The following MDH1B variants were observed in gnomAD, a reference collection of about 807,000 sequenced individuals.
MDH1B encodes the protein malate dehydrogenase 1B, also known as putative malate dehydrogenase 1B.
MDH1B carries 60 observed loss-of-function variants against 61.4 expected under a neutral mutation model. That is an observed-to-expected ratio of 0.98 (90% CI 0.79 to 1.21). The LOEUF (loss-of-function observed/expected upper bound fraction) is 1.21, where lower values mean the gene tolerates loss of function less well. Among genes scored for constraint, MDH1B ranks in the 50% most tolerant of loss-of-function variants. The pLI is 0.00. For synonymous variants in MDH1B, 236 were observed against 218.7 expected, an observed-to-expected ratio of 1.08 and a Z score of -0.70; for missense variants, 587 against 632.1, an observed-to-expected ratio of 0.93 and a Z score of 0.76.
chr2:206,757,919 C>G (rs766258774), intron 2 of MDH1B, among the ~76,000 whole-genome samples: 9 of 152,136 alleles, frequency 5.9e-5, no homozygotes, highest in Non-Finnish European at 8.8e-5. Context: ...ATGACAAGAT[C>G]TGAGTACAGT....
At chr2:206,743,441 T>C (rs1687927645) in intron 9 of MDH1B, among the ~76,000 whole-genome samples, 1 of 152,204 alleles carries the variant, frequency 6.6e-6, no homozygotes, top group African/African-American at 2.4e-5. Flanking sequence ...GCTCCTGTTC[T>C]ACTTAACCAT....
rs745897152 is a variant in MDH1B at position 206,750,960 on chromosome 2, G to A, written c.1026C>T (p.Arg342=). Residue 342 remains arginine, a synonymous_variant, in exon 6 of 12, where the codon CGC becomes CGT. Transcript: ENST00000374412. ...SAIWGPLHYS[R]PVLNLIFDSE... ...TGTCAAAAATCAAGTTTAAAACAGG[G>A]CGTGAATAATGAAGAGGTCCCCAAA... 1.2e-6 allele frequency: 2 copies of A among 1,609,774 alleles called. No homozygotes were observed. The highest frequency in any genetic ancestry group is 1.7e-6 in the Non-Finnish European group (2 of 1,177,816).
intron 5 of MDH1B, among the ~76,000 whole-genome samples, chr2:206,752,232 C>G (rs1027806611): frequency 9.2e-5 from 14 of 152,160 alleles, no homozygotes; most frequent in African/African-American, 3.4e-4. Context: ...TCCTCTTTTG[C>G]CTTTTCTCTT....
rs1270291499 is a variant in MDH1B, at chr2:206,737,862, C to A, written c.*621G>T. 1 of 152,116 alleles carries A rather than the reference C, an allele frequency of 6.6e-6. No homozygotes were observed. Among genetic ancestry groups the A allele is most frequent in the Non-Finnish European group, 1.5e-5 (1 of 68,048 alleles). The allele number at this position is 152,116 out of a possible 1,614,324, so 9.4% of individuals were successfully genotyped here. ...AAAAAGTGTGATTTATTGTACAGACCTTTATACAAAGCACACTCAAGGAAA... is the reference window on the plus strand; with the variant it reads ...AAAAAGTGTGATTTATTGTACAGACATTTATACAAAGCACACTCAAGGAAA... On this transcript the variant is annotated 3_prime_UTR_variant, in exon 12 of 12. Transcript: ENST00000374412.
intron 9 of MDH1B, among the ~76,000 whole-genome samples, chr2:206,745,016 G>A (rs908043663): frequency 6.6e-6 from 1 of 152,000 alleles, no homozygotes; most frequent in African/African-American, 2.4e-5. Flanking sequence ...GGGAAATGGA[G>A]TCTTGGTGGA....
chr2:206,755,566 A>G lies in MDH1B; in HGVS notation c.414-61T>C, dbSNP rs1688716201. ...TATCCTTTGTCCCTTTTAAGCCTTT[A>G]TTCTTAATAGATATTTCTGCATGTG... On this transcript the variant is annotated intron_variant, in intron 4 of 11. Coordinates refer to ENST00000374412, the MANE Select transcript of MDH1B (RefSeq NM_001039845.3). 5.2e-6 allele frequency: 8 copies of G among 1,527,876 alleles called. No homozygotes were observed. In the Admixed American group the frequency reaches 1.7e-4, roughly 32 times the overall value. 94.6% of individuals were successfully genotyped at this position (1,527,876 alleles called of 1,614,324 possible).
At chr2:206,754,656 G>A (rs1207149322) in intron 5 of MDH1B, among the ~76,000 whole-genome samples, 3 of 152,048 alleles carry the variant, frequency 2.0e-5, no homozygotes, top group Non-Finnish European at 2.9e-5. Flanking sequence ...TGGGAAGTAG[G>A]GCAGAGCCAC....
chr2:206,757,216 C>CAGATA, intron 3 of MDH1B, 21 bp downstream of exon 3: 1 of 1,596,108 alleles, frequency 6.3e-7, no homozygotes, highest in Non-Finnish European at 8.5e-7. Flanking sequence ...ATTATTAGAA[C>CAGATA]AGATAAGTTA....
intron 2 of MDH1B, among the ~76,000 whole-genome samples, chr2:206,759,789 C>T (rs1688984546): frequency 6.6e-6 from 1 of 152,156 alleles, no homozygotes; most frequent in Non-Finnish European, 1.5e-5. Context: ...AATCCTGAAA[C>T]AATAGAGGCC....
At position 206,746,412 on chromosome 2, in the gene MDH1B, G is replaced by A; in HGVS notation, c.1231C>T (p.Pro411Ser). Reference sequence around the variant, plus strand: ...GGCATAGAAAAGACGATCCCTTTCGGAATACCAAACTGGCCTGCAGTGAGC... The same window carrying A: ...GGCATAGAAAAGACGATCCCTTTCGAAATACCAAACTGGCCTGCAGTGAGC... Reference protein sequence around the residue: ...GILSEGQFGIPKGIVFSMPVK... With the variant: ...GILSEGQFGISKGIVFSMPVK... Residue 411 changes from proline to serine, a missense_variant, in exon 8 of 12, where the codon CCG becomes TCG. Physicochemically the swap from Pro to Ser is moderately conservative, Grantham distance 74. Transcript: ENST00000374412. 4 of 1,612,750 alleles carry A rather than the reference G, an allele frequency of 2.5e-6. No individual in the cohort carries two copies. The highest frequency in any genetic ancestry group is 3.4e-6 in the Non-Finnish European group (4 of 1,179,570).
At position 206,760,955 on chromosome 2, in the gene MDH1B, C is replaced by T. The variant is rs201808868; in HGVS notation, c.81G>A (p.Lys27=). ...KTELVADYLQ[K]NLPDFRIHKI... ...TATGTATCCGAAAATCAGGAAGATT[C>T]TTTTGTAAATAGTCTGCCACAAGTT... is the stretch of plus-strand genomic sequence containing the variant. The change falls in exon 2 of 12, where the codon AAG becomes AAA. Residue 27 remains lysine (K), a synonymous_variant. Coordinates refer to ENST00000374412, the MANE Select transcript of MDH1B (RefSeq NM_001039845.3). 104 of 1,612,936 alleles carry T rather than the reference C, an allele frequency of 6.4e-5. 1 individual carries two copies. In the South Asian group the frequency reaches 1.1e-3, roughly 18 times the overall value.
intron 7 of MDH1B, 80 bp from the exon 8 acceptor site, chr2:206,746,506 T>G (rs2302922): frequency 0.21 from 291,383 of 1,411,384 alleles, 40,182 homozygotes; most frequent in East Asian, 0.61. Flanking sequence ...TTGTAGAAAA[T>G]GACAGACATA....
At chr2:206,764,893 C>A (rs1574657311) in intron 1 of MDH1B, among the ~76,000 whole-genome samples, 1 of 152,176 alleles carries the variant, frequency 6.6e-6, no homozygotes, top group African/African-American at 2.4e-5. Flanking sequence ...GTAATACCTT[C>A]CCCAGCCAGT....
At chr2:206,745,402 T>G in intron 9 of MDH1B, 1 of 657,568 alleles carries the variant, frequency 1.5e-6, no homozygotes. Flanking sequence ...ACCTACAACA[T>G]TTATAAGATC....
chr2:206,760,475 G>A (rs1035829218), intron 2 of MDH1B, among the ~76,000 whole-genome samples: 6 of 152,140 alleles, frequency 3.9e-5, no homozygotes, highest in South Asian at 4.2e-4. Flanking sequence ...CCCTCATTCC[G>A]TTTCAGGATG....
intron 11 of MDH1B, among the ~76,000 whole-genome samples, chr2:206,739,283 A>T (rs146395717): frequency 1.9e-3 from 286 of 152,148 alleles, no homozygotes; most frequent in African/African-American, 6.6e-3. Context: ...GGGAGTGGTG[A>T]TGCATGCCTG....
intron 1 of MDH1B, 58 bp from the exon 2 acceptor site, chr2:206,761,071 T>C (rs1035142094): frequency 2.2e-6 from 2 of 899,928 alleles, no homozygotes; most frequent in Non-Finnish European, 3.6e-6. Flanking sequence ...ATTATGTAGT[T>C]CTAAGTATTT....
chr2:206,751,946 TCTC>T (rs1048775556), intron 5 of MDH1B, among the ~76,000 whole-genome samples: 23 of 152,212 alleles, frequency 1.5e-4, no homozygotes, highest in African/African-American at 5.5e-4. Context: ...TCTTCCCTCT[TCTC>T]CTGTATAAGA....
chr2:206,763,357 A>G lies in MDH1B; in HGVS notation c.22+1893T>C, dbSNP rs115183484. Among the ~76,000 whole-genome samples the G allele has an allele frequency of 6.8e-3, 1,031 of 151,552 alleles. 7 individuals are homozygous for G. Among genetic ancestry groups the G allele is most frequent in the African/African-American group, 0.024 (985 of 41,214 alleles). On this transcript the variant is annotated intron_variant, in intron 1 of 11. Transcript: ENST00000374412. ...CCCTCCTCCAGTCAATTAGACATCC[A>G]GTTCTATAGATTCTGCCTCCCTAAT...
Sources: allele counts gnomAD v4.1 joint callset (sites outside exome capture counted in the v4.1 genomes callset), GRCh38; gene constraint gnomAD v4.1.1; transcripts MANE v1.5; gene names NCBI Gene and HGNC (gene_info 2026-07-23, HGNC 2026-07-21).